The following SNX29 variants were observed in gnomAD, a reference collection of about 807,000 sequenced individuals.
The protein encoded by SNX29 is sorting nexin 29, also known as sorting nexin-29.
In SNX29, 78 loss-of-function variants were observed where a neutral mutation model predicts 102.1. That is an observed-to-expected ratio of 0.76 (90% CI 0.64 to 0.92). SNX29 has a LOEUF of 0.92. Among genes scored for constraint, SNX29 ranks in the 40% least tolerant of loss-of-function variants. The probability of loss-of-function intolerance (pLI) is 0.00; values close to 1 mark genes in which losing one functional copy is unlikely to be tolerated. For missense variants in SNX29, 1,280 were observed against 1,061.7 expected (o/e 1.21, Z -2.86); for synonymous variants, 580 against 414.5 (o/e 1.40, Z -4.85).
At chr16:12,029,254 A>G (rs1193773379) in intron 4 of SNX29, among the ~76,000 whole-genome samples, 1 of 152,142 alleles carries the variant, frequency 6.6e-6, no homozygotes, top group Non-Finnish European at 1.5e-5. Flanking sequence ...CAATAAAATT[A>G]TGTTCACTAA....
At chr16:12,164,407 A>G (rs2055920736) in intron 13 of SNX29, among the ~76,000 whole-genome samples, 1 of 152,190 alleles carries the variant, frequency 6.6e-6, no homozygotes, top group South Asian at 2.1e-4. Flanking sequence ...TATAAGATGT[A>G]CTTGGGAATC....
intron 14 of SNX29, among the ~76,000 whole-genome samples, chr16:12,240,317 GT>G (rs1177499821): frequency 6.6e-6 from 1 of 152,320 alleles, no homozygotes; most frequent in East Asian, 1.9e-4. Flanking sequence ...GACGCCAGCT[GT>G]GTATGAGTAT....
intron 3 of SNX29, among the ~76,000 whole-genome samples, chr16:12,015,557 A>G (rs1191031911): frequency 2.8e-5 from 4 of 141,692 alleles, no homozygotes; most frequent in African/African-American, 1.1e-4. Flanking sequence ...TTTTTCCGAG[A>G]CGGAGTCTTG....
chr16:12,067,699 G>C (rs1033012659), intron 9 of SNX29, among the ~76,000 whole-genome samples: 2 of 152,146 alleles, frequency 1.3e-5, no homozygotes, highest in Non-Finnish European at 2.9e-5. Context: ...TGTTAGCCAG[G>C]CTGGTCTCGA....
At chr16:12,474,653 G>T (rs2087507285) in intron 18 of SNX29, among the ~76,000 whole-genome samples, 1 of 152,162 alleles carries the variant, frequency 6.6e-6, no homozygotes, top group Non-Finnish European at 1.5e-5. Context: ...CATTAACGAG[G>T]TTTTAAAGAT....
chr16:12,131,923 G>A (rs915648214), intron 13 of SNX29, among the ~76,000 whole-genome samples: 1 of 152,130 alleles, frequency 6.6e-6, no homozygotes, highest in Admixed American at 6.5e-5. Flanking sequence ...ACAGTTTAAT[G>A]ACTGTTATAA....
chr16:12,480,350 C>T (rs1399976437), intron 19 of SNX29, among the ~76,000 whole-genome samples: 12 of 152,262 alleles, frequency 7.9e-5, no homozygotes, highest in Non-Finnish European at 2.9e-5. Context: ...GCCTTATGGC[C>T]TTCTGTCTTC....
intron 16 of SNX29, among the ~76,000 whole-genome samples, chr16:12,379,307 G>A (rs1219921240): frequency 6.6e-6 from 1 of 152,154 alleles, no homozygotes; most frequent in East Asian, 1.9e-4. Context: ...TTTTTGTAGA[G>A]TTGGGGGTCT....
intron 19 of SNX29, among the ~76,000 whole-genome samples, chr16:12,522,549 G>A (rs1485515171): frequency 1.3e-5 from 2 of 152,126 alleles, no homozygotes; most frequent in East Asian, 1.9e-4. Flanking sequence ...ACTGGATCAT[G>A]GGGGTGGATT....
chr16:12,347,230 T>C (rs1299311211), intron 15 of SNX29, among the ~76,000 whole-genome samples: 2 of 152,110 alleles, frequency 1.3e-5, no homozygotes, highest in African/African-American at 2.4e-5. Flanking sequence ...ACTGTCTCGG[T>C]GGCACTTCAG....
chr16:12,008,016 T>C (rs2056515624), intron 3 of SNX29, among the ~76,000 whole-genome samples: 1 of 152,158 alleles, frequency 6.6e-6, no homozygotes, highest in African/African-American at 2.4e-5. Flanking sequence ...CTATCTCGGC[T>C]CCCTGCAAGC....
chr16:12,318,289 A>C (rs75648248), intron 15 of SNX29, among the ~76,000 whole-genome samples: 1 of 152,194 alleles, frequency 6.6e-6, no homozygotes, highest in Non-Finnish European at 1.5e-5. Flanking sequence ...GGCCTTGATC[A>C]GGCTGGTTTT....
intron 19 of SNX29, among the ~76,000 whole-genome samples, chr16:12,480,209 C>T (rs77476387): frequency 0.029 from 4,491 of 152,278 alleles, 131 homozygotes; most frequent in East Asian, 0.15. Flanking sequence ...TCTTACAATT[C>T]GAGAGGTCAG....
intron 11 of SNX29, among the ~76,000 whole-genome samples, chr16:12,103,046 A>G (rs1367054712): frequency 1.3e-5 from 2 of 152,264 alleles, no homozygotes; most frequent in Admixed American, 6.5e-5. Context: ...GCTCAAGGAA[A>G]TAAGAGAGGA....
intron 11 of SNX29, among the ~76,000 whole-genome samples, chr16:12,102,817 G>C (rs1227748973): frequency 1.3e-5 from 2 of 152,156 alleles, no homozygotes; most frequent in African/African-American, 4.8e-5. Context: ...AAACCCCATT[G>C]TCTCAGCCCA....
intron 19 of SNX29, among the ~76,000 whole-genome samples, chr16:12,487,481 C>A (rs2088304007): frequency 6.6e-6 from 1 of 152,158 alleles, no homozygotes; most frequent in Non-Finnish European, 1.5e-5. Context: ...GGGCAATAAG[C>A]ATCTTGCCCA....
chr16:12,464,781 A>G (rs72773304), intron 18 of SNX29, among the ~76,000 whole-genome samples: 30,508 of 152,224 alleles, frequency 0.2, 3,748 homozygotes, highest in South Asian at 0.38. Flanking sequence ...TATATCCAGA[A>G]GTAGGATTGC....
intron 16 of SNX29, among the ~76,000 whole-genome samples, chr16:12,378,210 G>C (rs570043909): frequency 3.9e-5 from 6 of 152,322 alleles, no homozygotes; most frequent in South Asian, 2.1e-4. Flanking sequence ...GAAAGTTCAA[G>C]ATTGGGTATC....
chr16:12,555,215 G>T (rs1052816735), intron 20 of SNX29, among the ~76,000 whole-genome samples: 2 of 151,868 alleles, frequency 1.3e-5, no homozygotes, highest in African/African-American at 2.4e-5. Context: ...ATGGGCAGCT[G>T]CTGGGTACAG....
Sources: allele counts gnomAD v4.1 joint callset (sites outside exome capture counted in the v4.1 genomes callset), GRCh38; gene constraint gnomAD v4.1.1; transcripts MANE v1.5; gene names NCBI Gene and HGNC (gene_info 2026-07-23, HGNC 2026-07-21).